Variants in UVRAG observed in about 807,000 individuals in gnomAD.
The protein encoded by UVRAG is UV radiation resistance associated, also known as UV radiation resistance-associated gene protein.
UVRAG carries 19 observed loss-of-function variants against 78.0 expected under a neutral mutation model. The observed-to-expected ratio is 0.24, with a 90% CI of 0.17 to 0.36. UVRAG has a LOEUF of 0.36. Among genes scored for constraint, UVRAG ranks in the 10% least tolerant of loss-of-function variants. The pLI is 1.00. For missense variants in UVRAG, 740 were observed against 853.8 expected (o/e 0.87, Z 1.66); for synonymous variants, 323 against 324.6 (o/e 1.00, Z 0.05).
chr11:75,835,975 C>T, intron 1 of UVRAG, among the ~76,000 whole-genome samples: 1 of 151,992 alleles, frequency 6.6e-6, no homozygotes, highest in South Asian at 2.1e-4. Context: ...GTGGTGTGCG[C>T]CTGTAGTCCC....
chr11:76,003,287 T>A (rs1242399643), intron 8 of UVRAG, among the ~76,000 whole-genome samples: 1 of 87,536 alleles, frequency 1.1e-5, no homozygotes, highest in Non-Finnish European at 2.4e-5. Flanking sequence ...TTTTTTTTTT[T>A]TGGAGACAGA....
chr11:75,944,923 G>A (rs867534616), intron 6 of UVRAG, among the ~76,000 whole-genome samples: 1 of 152,142 alleles, frequency 6.6e-6, no homozygotes, highest in Non-Finnish European at 1.5e-5. Flanking sequence ...CCTTTAGTCA[G>A]TAGTCAAGTC....
intron 12 of UVRAG, among the ~76,000 whole-genome samples, chr11:76,058,694 C>T (rs1252783670): frequency 6.6e-6 from 1 of 152,036 alleles, no homozygotes. Flanking sequence ...AAAATTAATG[C>T]ACTACCACCA....
At chr11:76,082,166 G>T (rs1024248579) in intron 13 of UVRAG, among the ~76,000 whole-genome samples, 1 of 152,092 alleles carries the variant, frequency 6.6e-6, no homozygotes, top group African/African-American at 2.4e-5. Flanking sequence ...ACAGGGGTTT[G>T]CTTTATAATC....
At chr11:76,045,291 A>G (rs1002132360) in intron 12 of UVRAG, among the ~76,000 whole-genome samples, 7 of 152,264 alleles carry the variant, frequency 4.6e-5, no homozygotes, top group African/African-American at 1.7e-4. Context: ...GTACATCTCC[A>G]TATGAAATTT....
chr11:76,082,276 C>T (rs957389337), intron 13 of UVRAG, among the ~76,000 whole-genome samples: 2 of 152,152 alleles, frequency 1.3e-5, no homozygotes, highest in Admixed American at 6.5e-5. Flanking sequence ...CACGGTGGCT[C>T]ACGCCTGTAA....
At chr11:76,083,449 G>A (rs1951534498) in intron 13 of UVRAG, among the ~76,000 whole-genome samples, 1 of 152,144 alleles carries the variant, frequency 6.6e-6, no homozygotes. Flanking sequence ...AATGTACCTG[G>A]AAGTATGTAA....
intron 4 of UVRAG, among the ~76,000 whole-genome samples, chr11:75,885,437 T>C (rs1004256213): frequency 3.9e-5 from 6 of 152,160 alleles, no homozygotes; most frequent in African/African-American, 1.4e-4. Context: ...TGAACAAGTA[T>C]TGTTTTCTTC....
Position 76,062,377 on chromosome 11 carries a change from G to A in UVRAG, c.1227-3333G>A, listed in dbSNP as rs552809458. The stretch of plus-strand genomic sequence containing the variant: ...TACATGTGCATTGTTTGTGTTTGTC[G>A]CCCTTCTCTACTTGGCTGCCTGTAA... On this transcript the variant is annotated intron_variant, in intron 12 of 14. Transcript: ENST00000356136. Among the ~76,000 whole-genome samples, 8 of 152,162 alleles carry A rather than the reference G, an allele frequency of 5.3e-5. No homozygotes were observed. The East Asian group carries it at 9.7e-4, about 18-fold the overall frequency.
At chr11:76,031,510 G>A (rs150805859) in intron 12 of UVRAG, among the ~76,000 whole-genome samples, 1 of 152,266 alleles carries the variant, frequency 6.6e-6, no homozygotes, top group African/African-American at 2.4e-5. Context: ...TAGTGCTGAT[G>A]TTATTATCTG....
intron 6 of UVRAG, among the ~76,000 whole-genome samples, chr11:75,946,916 G>T (rs574829391): frequency 1.3e-5 from 2 of 152,274 alleles, no homozygotes; most frequent in East Asian, 1.9e-4. Flanking sequence ...TTTTCTCAGA[G>T]ATCTGAAGGC....
rs371364986 is a variant in UVRAG at position 76,140,829 on chromosome 11, C to T, written c.1516C>T (p.Arg506Trp). 3.9e-5 allele frequency: 63 copies of T among 1,614,042 alleles called. No homozygotes were observed. The highest frequency in any genetic ancestry group is 3.3e-4 in the African/African-American group (25 of 74,914). ...IPSPDKGHRKRASSENERLQY... is the reference protein window; with the variant it reads ...IPSPDKGHRKWASSENERLQY... ...TTCACCAGACAAAGGACATCGAAAA[C>T]GGGCCAGCTCTGAGAATGAGAGACT... The change falls in exon 15 of 15, where the codon CGG (arginine) becomes TGG (tryptophan). Residue 506 changes from arginine to tryptophan, a missense_variant. Physicochemically the swap from Arg to Trp is moderately radical, Grantham distance 101. Coordinates refer to ENST00000356136, the MANE Select transcript of UVRAG (RefSeq NM_003369.4).
At chr11:76,048,694 A>T (rs1950808400) in intron 12 of UVRAG, among the ~76,000 whole-genome samples, 1 of 152,220 alleles carries the variant, frequency 6.6e-6, no homozygotes, top group Non-Finnish European at 1.5e-5. Context: ...TCTGAATATA[A>T]TGCAATTCCT....
In UVRAG at chr11:75,947,187, G is replaced by T. The variant is rs948911751; in HGVS notation, c.594-14257G>T. Among the ~76,000 whole-genome samples, 7 of 152,250 alleles carry T rather than the reference G, an allele frequency of 4.6e-5. No individual in the cohort carries two copies. The South Asian group carries it at 8.3e-4, about 18-fold the overall frequency. On this transcript the variant is annotated intron_variant, in intron 6 of 14. Transcript: ENST00000356136. Reference sequence around the variant, plus strand: ...TACTTCAACATGAATTTGGGGCGGGGGATGAAGGGATACAGTTCAGCCTAT... The same window carrying T: ...TACTTCAACATGAATTTGGGGCGGGTGATGAAGGGATACAGTTCAGCCTAT...
intron 14 of UVRAG, among the ~76,000 whole-genome samples, chr11:76,134,732 C>T (rs781313043): frequency 2.0e-5 from 3 of 152,332 alleles, no homozygotes; most frequent in African/African-American, 4.8e-5. Flanking sequence ...CTACTACTGA[C>T]GCTAGTGTCT....
intron 12 of UVRAG, among the ~76,000 whole-genome samples, chr11:76,043,592 C>G (rs1950691907): frequency 6.6e-6 from 1 of 152,024 alleles, no homozygotes; most frequent in Admixed American, 6.5e-5. Flanking sequence ...TCAAATTTGG[C>G]AAAAAACTTA....
intron 12 of UVRAG, among the ~76,000 whole-genome samples, chr11:76,048,343 A>G (rs1406218184): frequency 6.6e-6 from 1 of 152,246 alleles, no homozygotes; most frequent in Non-Finnish European, 1.5e-5. Flanking sequence ...GTGATGCAGA[A>G]CAGGTAAAGA....
chr11:75,964,350 C>T (rs931762471), intron 7 of UVRAG, among the ~76,000 whole-genome samples: 5 of 152,092 alleles, frequency 3.3e-5, no homozygotes, highest in African/African-American at 1.2e-4. Context: ...GTAGAATTTG[C>T]ATTGAAGCCA....
Position 76,140,976 on chromosome 11 carries a change from T to C in UVRAG, c.1663T>C (p.Leu555=). Residue 555 remains leucine (L), a synonymous_variant, in exon 15 of 15, where the codon TTG becomes CTG. Coordinates refer to ENST00000356136, the MANE Select transcript of UVRAG (RefSeq NM_003369.4). ...TSLSSSLDTS[L]DFSKENKKKG... ...TCTATCCTCCTCCTTGGATACCTCCTTGGACTTCTCCAAAGAAAACAAGAA... is the reference window on the plus strand; with the variant it reads ...TCTATCCTCCTCCTTGGATACCTCCCTGGACTTCTCCAAAGAAAACAAGAA... 6.2e-7 allele frequency: 1 copy of C among 1,614,064 alleles called. No individual in the cohort carries two copies. The highest frequency in any genetic ancestry group is 8.5e-7 in the Non-Finnish European group (1 of 1,180,028).
Sources: gnomAD v4.1 joint callset for allele counts (sites outside exome capture counted in the v4.1 genomes callset) on GRCh38, gnomAD v4.1.1 for gene constraint, MANE v1.5 for transcripts, NCBI Gene and HGNC (gene_info 2026-07-23, HGNC 2026-07-21) for gene names.